The following XKR4 variants were observed in gnomAD, a reference collection of about 807,000 sequenced individuals.
The protein encoded by XKR4 is XK related 4.
Under a neutral mutation model 53.9 loss-of-function variants are expected in XKR4, and 12 were observed. The ratio of observed to expected loss-of-function variants is 0.22; its 90% confidence interval spans 0.14 to 0.36. The LOEUF is 0.36. XKR4 is among the 10% of genes least tolerant of loss of function. The pLI, the probability that XKR4 is intolerant of heterozygous loss-of-function variation, is 1.00. For missense variants in XKR4, 799 were observed against 859.5 expected (o/e 0.93, Z 0.88); for synonymous variants, 354 against 362.4 (o/e 0.98, Z 0.26).
chr8:55,255,265 T>A (rs1585969934), intron 1 of XKR4, among the ~76,000 whole-genome samples: 1 of 152,184 alleles, frequency 6.6e-6, no homozygotes, highest in Non-Finnish European at 1.5e-5. Context: ...CTTAGATAAG[T>A]TATTTTACTT....
chr8:55,437,730 C>A (rs1417563129), intron 2 of XKR4, among the ~76,000 whole-genome samples: 1 of 152,102 alleles, frequency 6.6e-6, no homozygotes, highest in Non-Finnish European at 1.5e-5. Context: ...TCAGACTGTT[C>A]TTGTTTTGCA....
At chr8:55,453,281 T>A (rs1716752192) in intron 2 of XKR4, 2 of 488,344 alleles carry the variant, frequency 4.1e-6, no homozygotes, top group Non-Finnish European at 8.4e-6. Context: ...AGAAGTGCAG[T>A]CCTGCAGGCA....
chr8:55,130,528 G>A (rs764176201), intron 1 of XKR4, among the ~76,000 whole-genome samples: 2 of 152,162 alleles, frequency 1.3e-5, no homozygotes, highest in African/African-American at 2.4e-5. Flanking sequence ...TGAGGACTTC[G>A]GATTTTAATT....
At chr8:55,110,968 G>A (rs1248932354) in intron 1 of XKR4, among the ~76,000 whole-genome samples, 3 of 152,088 alleles carry the variant, frequency 2.0e-5, no homozygotes, top group African/African-American at 7.2e-5. Flanking sequence ...AGATTAAAAG[G>A]AAAATCCCTG....
intron 2 of XKR4, among the ~76,000 whole-genome samples, chr8:55,443,248 T>C (rs993482000): frequency 6.6e-6 from 1 of 152,012 alleles, no homozygotes; most frequent in Admixed American, 6.6e-5. Context: ...AACTGAATAC[T>C]GCAATGTACA....
intron 2 of XKR4, chr8:55,453,419 A>T: frequency 4.8e-6 from 2 of 414,242 alleles, no homozygotes; most frequent in East Asian, 1.4e-4. Context: ...GGCCCTCAGC[A>T]CAGCTAGGAG....
chr8:55,391,373 G>A (rs1804440517), intron 2 of XKR4, among the ~76,000 whole-genome samples: 1 of 152,088 alleles, frequency 6.6e-6, no homozygotes, highest in Non-Finnish European at 1.5e-5. Context: ...CCACCACTAA[G>A]GAACTAGTTG....
At chr8:55,298,044 T>C (rs936142620) in intron 1 of XKR4, among the ~76,000 whole-genome samples, 17 of 152,134 alleles carry the variant, frequency 1.1e-4, no homozygotes, top group African/African-American at 3.6e-4. Flanking sequence ...TTACAGTCGA[T>C]TTTTCTGGCC....
intron 2 of XKR4, chr8:55,454,641 G>T: frequency 9.2e-7 from 1 of 1,086,958 alleles, no homozygotes. Flanking sequence ...CCAGGGGCAC[G>T]GTGCACGTCA....
chr8:55,350,738 CTTT>C (rs1028164969), intron 1 of XKR4, among the ~76,000 whole-genome samples: 5 of 122,434 alleles, frequency 4.1e-5, no homozygotes, highest in Non-Finnish European at 6.9e-5. Context: ...TTTTTCTTTT[CTTT>C]TTTTTTTTTT....
intron 1 of XKR4, among the ~76,000 whole-genome samples, chr8:55,119,093 A>C (rs1816352598): frequency 6.6e-6 from 1 of 152,214 alleles, no homozygotes; most frequent in African/African-American, 2.4e-5. Context: ...ATAAATATTT[A>C]CCAAGCATTC....
intron 1 of XKR4, among the ~76,000 whole-genome samples, chr8:55,156,847 C>T (rs1816914568): frequency 6.6e-6 from 1 of 152,204 alleles, no homozygotes; most frequent in African/African-American, 2.4e-5. Flanking sequence ...AGGAAGATTA[C>T]ACCAACAACA....
intron 1 of XKR4, among the ~76,000 whole-genome samples, chr8:55,255,840 C>G (rs911402674): frequency 6.6e-6 from 1 of 151,910 alleles, no homozygotes; most frequent in East Asian, 1.9e-4. Context: ...AATGAGTGTC[C>G]GTTGTCTGCC....
At chr8:55,185,876 C>T (rs1817370752) in intron 1 of XKR4, among the ~76,000 whole-genome samples, 1 of 152,116 alleles carries the variant, frequency 6.6e-6, no homozygotes, top group South Asian at 2.1e-4. Context: ...GGACTTCATG[C>T]AGTCAAATTA....
chr8:55,204,606 T>C (rs1486921169), intron 1 of XKR4, among the ~76,000 whole-genome samples: 1 of 151,892 alleles, frequency 6.6e-6, no homozygotes, highest in African/African-American at 2.4e-5. Context: ...AGGTCGTCAA[T>C]AAAAAATGAA....
chr8:55,286,065 G>A (rs545693967), intron 1 of XKR4, among the ~76,000 whole-genome samples: 38 of 152,324 alleles, frequency 2.5e-4, no homozygotes, highest in African/African-American at 9.1e-4. Flanking sequence ...GCTGTACCTG[G>A]CTTGGGAACA....
At chr8:55,509,391 GT>G (rs1339712405) in intron 2 of XKR4, among the ~76,000 whole-genome samples, 1 of 152,042 alleles carries the variant, frequency 6.6e-6, no homozygotes, top group Non-Finnish European at 1.5e-5. Flanking sequence ...CTTGTCCTTT[GT>G]TTCACTGGTT....
intron 1 of XKR4, among the ~76,000 whole-genome samples, chr8:55,117,453 A>G (rs1816325741): frequency 6.6e-6 from 1 of 152,338 alleles, no homozygotes; most frequent in South Asian, 2.1e-4. Flanking sequence ...GCCGAGCAAC[A>G]TGCTGTGCTT....
chr8:55,380,448 G>A (rs1426090145), intron 2 of XKR4, among the ~76,000 whole-genome samples: 1 of 152,234 alleles, frequency 6.6e-6, no homozygotes, highest in Non-Finnish European at 1.5e-5. Flanking sequence ...AATGTTGAAA[G>A]AGAAAGGAAA....
Sources: gnomAD v4.1 joint callset for allele counts (sites outside exome capture counted in the v4.1 genomes callset) on GRCh38, gnomAD v4.1.1 for gene constraint, MANE v1.5 for transcripts, NCBI Gene and HGNC (gene_info 2026-07-23, HGNC 2026-07-21) for gene names.